Variants in ADAMTS20 observed in about 807,000 individuals in gnomAD.
The protein encoded by ADAMTS20 is ADAM metallopeptidase with thrombospondin type 1 motif 20.
ADAMTS20 carries 225 observed loss-of-function variants against 260.1 expected under a neutral mutation model. The ratio of observed to expected loss-of-function variants is 0.87; its 90% CI spans 0.78 to 0.97. ADAMTS20 has a LOEUF of 0.97. Among genes scored for constraint, ADAMTS20 ranks in the 50% least tolerant of loss-of-function variants. The pLI is 0.00. For missense variants in ADAMTS20, 2,400 were observed against 2,337.7 expected, an observed-to-expected ratio of 1.03 and a Z score of -0.55; for synonymous variants, 802 against 769.5, an observed-to-expected ratio of 1.04 and a Z score of -0.70.
intron 2 of ADAMTS20, among the ~76,000 whole-genome samples, chr12:43,537,525 T>C (rs1025723717): frequency 1.3e-5 from 2 of 152,122 alleles, no homozygotes; most frequent in Non-Finnish European, 2.9e-5. Context: ...TTACAAAAAA[T>C]CCAATTACAT....
At chr12:43,372,309 A>T (rs1940124614) in intron 36 of ADAMTS20, among the ~76,000 whole-genome samples, 1 of 152,180 alleles carries the variant, frequency 6.6e-6, no homozygotes, top group African/African-American at 2.4e-5. Flanking sequence ...AGAAAGACAC[A>T]AAACCATTAG....
chr12:43,492,614 TAA>T lies in ADAMTS20; in HGVS notation c.965_966del (p.Ile322LysfsTer3), dbSNP rs1298259356. 1 of 1,613,758 alleles carries T rather than the reference TAA, an allele frequency of 6.2e-7. No individual in the cohort carries two copies. Among genetic ancestry groups the T allele is most frequent in the Admixed American group, 1.7e-5 (1 of 59,994 alleles). On this transcript the variant is annotated frameshift_variant, in exon 6 of 39. Coordinates refer to ENST00000389420, the MANE Select transcript of ADAMTS20 (RefSeq NM_025003.5). LOFTEE classifies it high-confidence loss of function. Reference sequence around the variant, plus strand: ...TTTAATGTGGTAGCACCATCAAAATTAATGACTGGTCCTTCCTATGCAAAATA... The same window carrying T: ...TTTAATGTGGTAGCACCATCAAAATTTGACTGGTCCTTCCTATGCAAAATA... ...MIHREEEGPV[I>X]NFDGATTLKN...
chr12:43,355,858 G>T (rs890189647), intron 38 of ADAMTS20, among the ~76,000 whole-genome samples: 2 of 151,662 alleles, frequency 1.3e-5, no homozygotes, highest in African/African-American at 4.8e-5. Context: ...ATAATTATAA[G>T]AATAAACTAT....
At chr12:43,526,143 C>G (rs1262917975) in intron 3 of ADAMTS20, among the ~76,000 whole-genome samples, 1 of 152,202 alleles carries the variant, frequency 6.6e-6, no homozygotes, top group Admixed American at 6.5e-5. Flanking sequence ...AAACAAATCT[C>G]AATACATTTT....
At chr12:43,525,576 G>T (rs1943130262) in intron 3 of ADAMTS20, among the ~76,000 whole-genome samples, 1 of 152,098 alleles carries the variant, frequency 6.6e-6, no homozygotes, top group South Asian at 2.1e-4. Context: ...AGATACAGAT[G>T]GGCAGAATGG....
chr12:43,436,640 C>T (rs1941561301), intron 18 of ADAMTS20, among the ~76,000 whole-genome samples: 1 of 152,078 alleles, frequency 6.6e-6, no homozygotes, highest in Non-Finnish European at 1.5e-5. Context: ...CCATATTGCA[C>T]AGCATAGCTC....
chr12:43,508,714 G>A (rs1942880436), intron 3 of ADAMTS20, among the ~76,000 whole-genome samples: 1 of 152,104 alleles, frequency 6.6e-6, no homozygotes, highest in African/African-American at 2.4e-5. Context: ...CAGGGTAAAT[G>A]GGGTATAAAT....
At chr12:43,402,031 G>A (rs1473211091) in intron 28 of ADAMTS20, among the ~76,000 whole-genome samples, 1 of 151,790 alleles carries the variant, frequency 6.6e-6, no homozygotes, top group African/African-American at 2.4e-5. Flanking sequence ...CATGTCTAGG[G>A]TAAATACACA....
At chr12:43,492,742 G>C in intron 5 of ADAMTS20, 113 bp from the exon 6 acceptor site, 1 of 1,193,418 alleles carries the variant, frequency 8.4e-7, no homozygotes, top group Non-Finnish European at 1.2e-6. Context: ...GGTGAATGAA[G>C]GAGTGACAGC....
chr12:43,420,384 A>G (rs970357364), intron 28 of ADAMTS20, among the ~76,000 whole-genome samples: 3 of 152,226 alleles, frequency 2.0e-5, no homozygotes, highest in African/African-American at 7.2e-5. Flanking sequence ...TAATAAATGG[A>G]AAAATACTAG....
rs549665695 is a variant in ADAMTS20 at position 43,517,519 on chromosome 12, T to C, written c.613+14517A>G. Among the ~76,000 whole-genome samples the C allele has an allele frequency of 1.6e-4, 24 of 152,178 alleles. 1 individual carries two copies. In the South Asian group the frequency reaches 4.6e-3, roughly 29 times the overall value. On this transcript the variant is annotated intron_variant, in intron 3 of 38. Coordinates refer to ENST00000389420, the MANE Select transcript of ADAMTS20 (RefSeq NM_025003.5). ...ATGTGAAGACCTCCACAAAGAAATC[T>C]ATTAAATATTATTTGGTAAATTAAA...
At chr12:43,511,682 G>T (rs1348034887) in intron 3 of ADAMTS20, among the ~76,000 whole-genome samples, 1 of 152,090 alleles carries the variant, frequency 6.6e-6, no homozygotes, top group Non-Finnish European at 1.5e-5. Context: ...ACAGATATGT[G>T]CTCTTTGATT....
At chr12:43,499,435 C>T (rs1009144882) in intron 4 of ADAMTS20, among the ~76,000 whole-genome samples, 2 of 151,316 alleles carry the variant, frequency 1.3e-5, no homozygotes, top group East Asian at 1.9e-4. Flanking sequence ...CCATGGAGAA[C>T]TTTAGTTATC....
Position 43,492,505 on chromosome 12 carries a change from C to G in ADAMTS20, c.1076G>C (p.Arg359Thr). ...GGAAGGGTTATTTCTATAATCATACCTAGTGATAAGAACAGCAGTGTCATG... is the reference window on the plus strand; with the variant it reads ...GGAAGGGTTATTTCTATAATCATACGTAGTGATAAGAACAGCAGTGTCATG... ...SHHDTAVLIT[R>T]EDICSSKEKC... The change falls in exon 6 of 39, where the codon AGG (arginine) becomes ACG (threonine). Residue 359 changes from arginine to threonine, a missense_variant and splice_region_variant. Transcript: ENST00000389420. 6.2e-7 allele frequency: 1 copy of G among 1,613,486 alleles called. No individual in the cohort carries two copies. Among genetic ancestry groups the G allele is most frequent in the Non-Finnish European group, 8.5e-7 (1 of 1,179,658 alleles).
intron 9 of ADAMTS20, 29 bp from the exon 10 acceptor site, chr12:43,464,761 G>A (rs1454857270): frequency 2.5e-6 from 4 of 1,597,312 alleles, no homozygotes; most frequent in Middle Eastern, 1.7e-4. Flanking sequence ...ATAAAATATT[G>A]TGAATACACA....
At chr12:43,530,528 A>G (rs911286582) in intron 3 of ADAMTS20, among the ~76,000 whole-genome samples, 1 of 152,206 alleles carries the variant, frequency 6.6e-6, no homozygotes, top group South Asian at 2.1e-4. Context: ...TTCATTCCCA[A>G]GGAAAACCAT....
chr12:43,384,883 T>C (rs1940437743), intron 29 of ADAMTS20, among the ~76,000 whole-genome samples: 1 of 152,220 alleles, frequency 6.6e-6, no homozygotes, highest in Non-Finnish European at 1.5e-5. Flanking sequence ...TGGTTCAAAT[T>C]ATTTGTTATT....
intron 37 of ADAMTS20, among the ~76,000 whole-genome samples, chr12:43,366,531 G>C (rs61325352): frequency 0.045 from 6,851 of 151,882 alleles, 173 homozygotes; most frequent in East Asian, 0.1. Context: ...AGAATGTATT[G>C]AATGTTTTCC....
chr12:43,368,485 T>A (rs538036724), intron 37 of ADAMTS20, among the ~76,000 whole-genome samples: 6 of 152,222 alleles, frequency 3.9e-5, no homozygotes, highest in South Asian at 2.1e-4. Flanking sequence ...CTTCCTAATA[T>A]AAGCGTAACT....
Sources: allele counts gnomAD v4.1 joint callset (sites outside exome capture counted in the v4.1 genomes callset), GRCh38; gene constraint gnomAD v4.1.1; transcripts MANE v1.5; gene names NCBI Gene and HGNC (gene_info 2026-07-23, HGNC 2026-07-21).